RAD51B: variants seen among roughly 807,000 people sequenced by gnomAD.
RAD51B encodes DNA repair protein RAD51 homolog 2.
Under a neutral mutation model 42.2 loss-of-function variants are expected in RAD51B, and 38 were observed. The observed-to-expected ratio is 0.90, with a 90% CI of 0.70 to 1.18. The LOEUF is 1.18. Among genes scored for constraint, RAD51B ranks in the 50% most tolerant of loss-of-function variants. The probability of loss-of-function intolerance (pLI) is 0.00; values close to 1 mark genes in which losing one functional copy is unlikely to be tolerated. For missense variants in RAD51B, 373 were observed against 400.7 expected, an observed-to-expected ratio of 0.93 and a Z score of 0.59; for synonymous variants, 154 against 145.2, an observed-to-expected ratio of 1.06 and a Z score of -0.43.
intron 7 of RAD51B, among the ~76,000 whole-genome samples, chr14:68,131,279 T>C (rs2077885252): frequency 6.6e-6 from 1 of 152,200 alleles, no homozygotes; most frequent in Non-Finnish European, 1.5e-5. Flanking sequence ...TTTAATTTTA[T>C]AGAAGTTAAT....
At chr14:68,191,237 C>A (rs961652392) in intron 7 of RAD51B, among the ~76,000 whole-genome samples, 12 of 152,194 alleles carry the variant, frequency 7.9e-5, no homozygotes, top group African/African-American at 2.9e-4. Flanking sequence ...AACATATGAA[C>A]TGGTGATTAA....
At chr14:68,515,816 C>T (rs1414721878) in intron 10 of RAD51B, among the ~76,000 whole-genome samples, 17 of 140,390 alleles carry the variant, frequency 1.2e-4, no homozygotes, top group African/African-American at 3.1e-4. Context: ...CTCACTCTGT[C>T]GCCCAGGCTG....
intron 10 of RAD51B, among the ~76,000 whole-genome samples, chr14:68,578,665 G>A (rs58592978): frequency 0.099 from 15,085 of 152,176 alleles, 860 homozygotes; most frequent in South Asian, 0.15. Context: ...TGATATAAAG[G>A]AGACCAAGTT....
rs1263199665 is a variant in RAD51B at position 68,385,683 on chromosome 14, A to G, written c.854-25741A>G. The stretch of plus-strand genomic sequence containing the variant: ...GCTGGTGAGCTGACTGGGATACGCA[A>G]ATTGTTCCTATCAATTTATTTTGAC... On this transcript the variant is annotated intron_variant, in intron 8 of 10. Transcript: ENST00000471583. 2.6e-5 allele frequency among the ~76,000 whole-genome samples: 4 copies of G among 152,182 alleles called. No homozygotes were observed. In the East Asian group the frequency reaches 7.7e-4, roughly 29 times the overall value.
chr14:68,391,005 G>A (rs2083735302), intron 8 of RAD51B, among the ~76,000 whole-genome samples: 1 of 152,148 alleles, frequency 6.6e-6, no homozygotes, highest in South Asian at 2.1e-4. Context: ...AAAGGAATTT[G>A]GCATTTTATC....
chr14:68,573,270 T>G (rs1359862595), intron 10 of RAD51B, among the ~76,000 whole-genome samples: 3 of 152,092 alleles, frequency 2.0e-5, no homozygotes, highest in Non-Finnish European at 4.4e-5. Context: ...GCCCTGCTCC[T>G]TCTCTACCCC....
chr14:68,625,259 A>G (rs1278692505), intron 10 of RAD51B, among the ~76,000 whole-genome samples: 1 of 152,190 alleles, frequency 6.6e-6, no homozygotes, highest in East Asian at 1.9e-4. Flanking sequence ...TGAGATGTGT[A>G]TCGGAGCTAC....
chr14:68,331,340 C>T (rs2082342947), intron 8 of RAD51B, among the ~76,000 whole-genome samples: 2 of 98,324 alleles, frequency 2.0e-5, no homozygotes, highest in Non-Finnish European at 4.4e-5. Context: ...TGCACTCCAG[C>T]CTGGGCTACA....
At chr14:68,614,370 A>G (rs369271706), downstream of RAD51B, among the ~76,000 whole-genome samples, 1 of 152,346 alleles carries the variant, frequency 6.6e-6, no homozygotes, top group East Asian at 1.9e-4. Context: ...GATATAATTG[A>G]CATACCATAA....
At chr14:67,900,869 T>C (rs2140091530) in intron 7 of RAD51B, among the ~76,000 whole-genome samples, 1 of 152,296 alleles carries the variant, frequency 6.6e-6, no homozygotes, top group East Asian at 1.9e-4. Context: ...TTTAGCTTAG[T>C]TTACTGGGTT....
chr14:68,279,099 A>G (rs1370874102), intron 7 of RAD51B, among the ~76,000 whole-genome samples: 1 of 152,186 alleles, frequency 6.6e-6, no homozygotes, highest in Non-Finnish European at 1.5e-5. Flanking sequence ...TAAACCAACA[A>G]GGAGTTGAGA....
intron 7 of RAD51B, among the ~76,000 whole-genome samples, chr14:68,204,287 GAAT>G (rs1460101725): frequency 2.6e-5 from 4 of 152,196 alleles, no homozygotes; most frequent in Non-Finnish European, 5.9e-5. Flanking sequence ...TTGTCTCAGG[GAAT>G]AGAGAGGCCC....
intron 9 of RAD51B, among the ~76,000 whole-genome samples, chr14:68,465,095 G>T (rs2085940831): frequency 6.6e-6 from 1 of 152,112 alleles, no homozygotes. Flanking sequence ...CTCAGTTTCT[G>T]CAGTGCATAA....
At chr14:68,413,327 G>A (rs1250618921) in intron 9 of RAD51B, among the ~76,000 whole-genome samples, 1 of 152,132 alleles carries the variant, frequency 6.6e-6, no homozygotes, top group African/African-American at 2.4e-5. Flanking sequence ...GGAGAACCAG[G>A]AGCAAAGTGT....
At chr14:67,947,894 C>T (rs2045450367) in intron 7 of RAD51B, among the ~76,000 whole-genome samples, 2 of 152,158 alleles carry the variant, frequency 1.3e-5, no homozygotes, top group African/African-American at 4.8e-5. Context: ...TTCTACTCTC[C>T]TACTTTAGAG....
At chr14:68,640,572 G>A (rs1280658711) in intron 10 of RAD51B, among the ~76,000 whole-genome samples, 1 of 152,174 alleles carries the variant, frequency 6.6e-6, no homozygotes, top group Non-Finnish European at 1.5e-5. Flanking sequence ...GCTCTGGTAG[G>A]GCTGAAGACA....
chr14:67,860,023 T>C (rs1435297976), intron 4 of RAD51B, among the ~76,000 whole-genome samples: 3 of 152,188 alleles, frequency 2.0e-5, no homozygotes, highest in African/African-American at 4.8e-5. Context: ...GGTTTCTCCA[T>C]GTTGGTCAGA....
At chr14:68,131,602 A>G (rs942800229) in intron 7 of RAD51B, among the ~76,000 whole-genome samples, 1 of 152,324 alleles carries the variant, frequency 6.6e-6, no homozygotes, top group South Asian at 2.1e-4. Context: ...AGGCTGAGGC[A>G]GGAAAATCGC....
At chr14:68,329,895 A>G (rs1334482024) in intron 8 of RAD51B, among the ~76,000 whole-genome samples, 2 of 151,524 alleles carry the variant, frequency 1.3e-5, no homozygotes, top group Admixed American at 1.3e-4. Flanking sequence ...GGCAGGAGAA[A>G]GGCATGAACC....
Sources: gnomAD v4.1 joint callset for allele counts (sites outside exome capture counted in the v4.1 genomes callset) on GRCh38, gnomAD v4.1.1 for gene constraint, MANE v1.5 for transcripts, NCBI Gene and HGNC (gene_info 2026-07-23, HGNC 2026-07-21) for gene names.